The following KLHL22 variants were observed in gnomAD, a reference collection of about 807,000 sequenced individuals.
The protein encoded by KLHL22 is kelch-like protein 22.
In KLHL22, 18 loss-of-function variants were observed where a neutral mutation model predicts 60.7. The ratio of observed to expected loss-of-function variants is 0.30; its 90% CI spans 0.20 to 0.44. The LOEUF (loss-of-function observed/expected upper bound fraction) is 0.44. Ranked by LOEUF, KLHL22 falls within the 20% of genes least tolerant of loss-of-function variation. KLHL22 has a pLI of 1.00. For missense variants in KLHL22, 596 were observed against 852.3 expected, an observed-to-expected ratio of 0.70 and a Z score of 3.74; for synonymous variants, 355 against 354.5, an observed-to-expected ratio of 1.00 and a Z score of -0.01.
rs117476724 is a variant in KLHL22, at chr22:20,490,287, G to A, written c.-33-1043C>T. Among the ~76,000 whole-genome samples, 209 of 152,156 alleles carry A rather than the reference G, an allele frequency of 1.4e-3. 2 individuals carry two copies. The East Asian group carries it at 0.034, about 25-fold the overall frequency. ...GGGGATACATTCTGAGACTTATATC[G>A]CTGGAGGCAATTTCCTCAGTGTGTG... On this transcript the variant is annotated intron_variant, in intron 1 of 6. Transcript: ENST00000328879.
At chr22:20,448,640 C>A (rs904959328) in intron 5 of KLHL22, among the ~76,000 whole-genome samples, 5 of 152,220 alleles carry the variant, frequency 3.3e-5, no homozygotes, top group African/African-American at 1.2e-4. Flanking sequence ...TCTTGGCTCA[C>A]TGCAACCTCT....
At chr22:20,468,275 C>T (rs1189026910) in intron 3 of KLHL22, among the ~76,000 whole-genome samples, 1 of 152,222 alleles carries the variant, frequency 6.6e-6, no homozygotes, top group Non-Finnish European at 1.5e-5. Flanking sequence ...GCACAAACAG[C>T]CCTGAAGAAG....
Position 20,441,640 on chromosome 22 carries a change from TCCTCTGCC to T in KLHL22, c.*425_*432del, listed in dbSNP as rs2052758405. 1 of 188,346 alleles carries T rather than the reference TCCTCTGCC, an allele frequency of 5.3e-6. No individual in the cohort carries two copies. The highest frequency in any genetic ancestry group is 1.2e-5 in the Non-Finnish European group (1 of 81,862). The allele number at this position is 188,346 out of a possible 1,614,324, so 11.7% of individuals were successfully genotyped here. On this transcript the variant is annotated 3_prime_UTR_variant, in exon 7 of 7. Transcript: ENST00000328879. ...CCCAGGCGAGCTGATGCATCTCTGC[TCCTCTGCC>T]CCTCAGGAGCTCTCATCCTCCAACC...
At chr22:20,485,892 C>T (rs1227687702) in intron 2 of KLHL22, among the ~76,000 whole-genome samples, 1 of 148,932 alleles carries the variant, frequency 6.7e-6, no homozygotes, top group Non-Finnish European at 1.5e-5. Flanking sequence ...AAAGGCTGGG[C>T]GTGGTGTGGC....
intron 2 of KLHL22, among the ~76,000 whole-genome samples, chr22:20,474,963 ACT>A (rs781196803): frequency 3.3e-5 from 5 of 152,190 alleles, no homozygotes; most frequent in Non-Finnish European, 5.9e-5. Flanking sequence ...ACCAGCTCTA[ACT>A]CACCACCACA....
chr22:20,464,200 A>G (rs903257380), intron 4 of KLHL22, among the ~76,000 whole-genome samples: 2 of 150,686 alleles, frequency 1.3e-5, no homozygotes, highest in Middle Eastern at 3.2e-3. Flanking sequence ...GGACCACAGC[A>G]GTCCACAAAA....
At position 20,473,674 on chromosome 22, in the gene KLHL22, G is replaced by A. The variant is rs775353363; in HGVS notation, c.228-2159C>T. ...GCCGATCATCTGAGGTTGGGAGTTC[G>A]ACACCAGCCTGACCAACATGGAGAA... On this transcript the variant is annotated intron_variant, in intron 2 of 6. Coordinates refer to ENST00000328879, the MANE Select transcript of KLHL22 (RefSeq NM_032775.4). Among the ~76,000 whole-genome samples, 14 of 152,222 alleles carry A rather than the reference G, an allele frequency of 9.2e-5. No individual in the cohort carries two copies. In the East Asian group the frequency reaches 9.7e-4, roughly 11 times the overall value.
At chr22:20,483,237 T>G (rs779174281) in intron 2 of KLHL22, 3 of 688,790 alleles carry the variant, frequency 4.4e-6, no homozygotes, top group Non-Finnish European at 8.0e-6. Flanking sequence ...TCTCAGCAGT[T>G]CCAACCTCAG....
chr22:20,453,575 T>A (rs1219552282), intron 5 of KLHL22, among the ~76,000 whole-genome samples: 2 of 152,188 alleles, frequency 1.3e-5, no homozygotes, highest in African/African-American at 4.8e-5. Context: ...ATCTTGAAAT[T>A]GGGCAGACTC....
At chr22:20,480,591 A>G (rs2053482326) in intron 2 of KLHL22, among the ~76,000 whole-genome samples, 1 of 152,070 alleles carries the variant, frequency 6.6e-6, no homozygotes. Context: ...CCCTTGTCCA[A>G]ACTCTTTAAA....
chr22:20,448,657 C>T (rs760635513), intron 5 of KLHL22, among the ~76,000 whole-genome samples: 31 of 151,934 alleles, frequency 2.0e-4, no homozygotes, highest in Non-Finnish European at 3.4e-4. Context: ...CTCTGCCTCC[C>T]GGGTTCAAGC....
At chr22:20,466,038 A>G (rs1601352456) in intron 3 of KLHL22, among the ~76,000 whole-genome samples, 1 of 152,142 alleles carries the variant, frequency 6.6e-6, no homozygotes, top group East Asian at 1.9e-4. Flanking sequence ...GAGAGAGCAC[A>G]TAGGAGTGGA....
chr22:20,448,624 G>A (rs1413099452), intron 5 of KLHL22, among the ~76,000 whole-genome samples: 1 of 152,152 alleles, frequency 6.6e-6, no homozygotes, highest in Non-Finnish European at 1.5e-5. Flanking sequence ...GAATATAGTG[G>A]CACAATCTTG....
chr22:20,456,376 G>A (rs1183631980), intron 5 of KLHL22: 5 of 152,186 alleles, frequency 3.3e-5, no homozygotes, highest in Admixed American at 2.0e-4. Context: ...GAATGAATGC[G>A]TGCATGAAGG....
chr22:20,449,324 T>C (rs12160833), intron 5 of KLHL22, among the ~76,000 whole-genome samples: 2,394 of 152,270 alleles, frequency 0.016, 71 homozygotes, highest in African/African-American at 0.054. Context: ...CCTCCCAAAG[T>C]GCTGGGATTA....
Position 20,442,067 on chromosome 22 carries a change from G to GA in KLHL22, c.*5_*6insT. 1.3e-6 allele frequency: 2 copies of GA among 1,492,478 alleles called. No homozygotes were observed. Among genetic ancestry groups the GA allele is most frequent in the Non-Finnish European group, 1.8e-6 (2 of 1,120,506 alleles). The allele number at this position is 1,492,478 out of a possible 1,614,324, so 92.5% of individuals were successfully genotyped here. On this transcript the variant is annotated 3_prime_UTR_variant, in exon 7 of 7. Coordinates refer to ENST00000328879, the MANE Select transcript of KLHL22 (RefSeq NM_032775.4). ...TCCCTTCCCTCTGATGCCAGGCACA[G>GA]GGAGCCTAGTCCTCACTGGAGTTGT...
At chr22:20,487,569 C>T (rs944773305) in intron 2 of KLHL22, among the ~76,000 whole-genome samples, 11 of 151,990 alleles carry the variant, frequency 7.2e-5, no homozygotes, top group African/African-American at 2.4e-4. Flanking sequence ...TGTGAAATGA[C>T]TCTGGGCTCT....
intron 5 of KLHL22, chr22:20,451,465 A>T: frequency 4.4e-6 from 7 of 1,601,984 alleles, no homozygotes; most frequent in Non-Finnish European, 6.0e-6. Context: ...TGACCCTCAT[A>T]CAGGACACTG....
intron 2 of KLHL22, among the ~76,000 whole-genome samples, chr22:20,488,052 G>C (rs570905644): frequency 6.6e-6 from 1 of 152,110 alleles, no homozygotes; most frequent in African/African-American, 2.4e-5. Flanking sequence ...GCCACCACTG[G>C]GTCACATTCT....
Sources: gnomAD v4.1 joint callset for allele counts (sites outside exome capture counted in the v4.1 genomes callset) on GRCh38, gnomAD v4.1.1 for gene constraint, MANE v1.5 for transcripts, NCBI Gene and HGNC (gene_info 2026-07-23, HGNC 2026-07-21) for gene names.